The following MBD5 variants were observed in gnomAD, a reference collection of about 807,000 sequenced individuals.
MBD5 encodes the protein methyl-CpG binding domain protein 5, also known as methyl-CpG-binding domain protein 5.
MBD5 carries 13 observed loss-of-function variants against 117.3 expected under a neutral mutation model. The observed-to-expected ratio is 0.11, with a 90% CI of 0.07 to 0.18. MBD5 has a LOEUF of 0.18. Ranked by LOEUF, MBD5 falls within the 10% of genes least tolerant of loss-of-function variation. The pLI is 1.00. For missense variants in MBD5, 1,879 were observed against 2,093.8 expected (o/e 0.90, Z 2.00); for synonymous variants, 727 against 766.4 (o/e 0.95, Z 0.85).
intron 4 of MBD5, among the ~76,000 whole-genome samples, chr2:148,388,620 T>C (rs1704452502): frequency 6.6e-6 from 1 of 152,184 alleles, no homozygotes; most frequent in African/African-American, 2.4e-5. Flanking sequence ...TCTCACAGAT[T>C]TGGAGGTTGG....
At chr2:148,148,279 T>A (rs1233958274) in intron 1 of MBD5, among the ~76,000 whole-genome samples, 1 of 152,160 alleles carries the variant, frequency 6.6e-6, no homozygotes, top group East Asian at 1.9e-4. Context: ...ATGTAGAATT[T>A]AAAAACTGTT....
chr2:148,125,311 T>C (rs1696863803), intron 1 of MBD5, among the ~76,000 whole-genome samples: 2 of 152,164 alleles, frequency 1.3e-5, no homozygotes, highest in South Asian at 4.1e-4. Flanking sequence ...TTTAGCTTTT[T>C]ACTATTACCA....
intron 3 of MBD5, among the ~76,000 whole-genome samples, chr2:148,262,982 A>C (rs1159899709): frequency 6.6e-6 from 1 of 152,220 alleles, no homozygotes; most frequent in Non-Finnish European, 1.5e-5. Context: ...TGAACAATCA[A>C]CTTTCTGATA....
At chr2:148,448,282 C>A (rs1245287207) in intron 4 of MBD5, among the ~76,000 whole-genome samples, 1 of 152,062 alleles carries the variant, frequency 6.6e-6, no homozygotes, top group Non-Finnish European at 1.5e-5. Context: ...TCTTCCTCCT[C>A]TTGTTTCTTG....
chr2:148,479,612 G>A (rs943174936), intron 8 of MBD5, among the ~76,000 whole-genome samples: 12 of 152,086 alleles, frequency 7.9e-5, no homozygotes, highest in Non-Finnish European at 1.6e-4. Context: ...ATGGGTAGGA[G>A]GAGCCGGAAG....
At position 148,021,357 on chromosome 2, in the gene MBD5, C is replaced by T; in HGVS notation, c.-1252C>T. 1 of 433,442 alleles carries T rather than the reference C, an allele frequency of 2.3e-6. No individual in the cohort carries two copies. Among genetic ancestry groups the T allele is most frequent in the South Asian group, 1.8e-5 (1 of 55,644 alleles). The allele number at this position is 433,442 out of a possible 1,614,324, so 26.8% of individuals were successfully genotyped here. On this transcript the variant is annotated 5_prime_UTR_variant, in exon 1 of 14. Coordinates refer to ENST00000642680, the MANE Select transcript of MBD5 (RefSeq NM_001378120.1). ...CCATCCACGACTCCTACCCCCTCAC[C>T]CCTCCAACTCGCCTCCCTCCCTCCA... is the stretch of plus-strand genomic sequence containing the variant.
At chr2:148,074,950 C>CA (rs1389010943) in intron 1 of MBD5, among the ~76,000 whole-genome samples, 1 of 151,972 alleles carries the variant, frequency 6.6e-6, no homozygotes, top group African/African-American at 2.4e-5. Context: ...TAGAGAGGAC[C>CA]ACCAGAGAAA....
chr2:148,414,765 T>C (rs923525992), intron 4 of MBD5, among the ~76,000 whole-genome samples: 2 of 152,168 alleles, frequency 1.3e-5, no homozygotes. Context: ...CTGTTTAGTA[T>C]GATACTAGAG....
intron 3 of MBD5, among the ~76,000 whole-genome samples, chr2:148,267,796 T>G (rs1700891950): frequency 1.3e-5 from 2 of 152,164 alleles, no homozygotes; most frequent in Admixed American, 1.3e-4. Context: ...ATTTGATTTT[T>G]TCCATATGAA....
intron 3 of MBD5, among the ~76,000 whole-genome samples, chr2:148,262,995 T>C (rs1248187864): frequency 9.9e-5 from 15 of 152,192 alleles, no homozygotes; most frequent in African/African-American, 3.6e-4. Flanking sequence ...TTCTGATACA[T>C]GAACACTGAG....
At chr2:148,362,518 T>C (rs1574335266) in intron 4 of MBD5, among the ~76,000 whole-genome samples, 1 of 152,132 alleles carries the variant, frequency 6.6e-6, no homozygotes, top group East Asian at 1.9e-4. Context: ...CCCATCTCCC[T>C]GGGACAGAGC....
At chr2:148,341,730 A>G (rs1702952024) in intron 3 of MBD5, among the ~76,000 whole-genome samples, 1 of 152,036 alleles carries the variant, frequency 6.6e-6, no homozygotes, top group South Asian at 2.1e-4. Context: ...CAAAGCCTCA[A>G]TTACCACATT....
At chr2:148,397,608 C>T (rs1029842654) in intron 4 of MBD5, among the ~76,000 whole-genome samples, 3 of 152,156 alleles carry the variant, frequency 2.0e-5, no homozygotes, top group East Asian at 1.9e-4. Flanking sequence ...AGATTACAGG[C>T]GTGAGCCACC....
intron 1 of MBD5, among the ~76,000 whole-genome samples, chr2:148,051,954 C>T (rs1015764828): frequency 8.6e-5 from 13 of 151,698 alleles, no homozygotes; most frequent in Admixed American, 4.6e-4. Context: ...TGGTAGAATT[C>T]GCCAGTGAAG....
chr2:148,510,080 A>G lies in MBD5; in HGVS notation c.5057A>G (p.His1686Arg). 6.2e-7 allele frequency: 1 copy of G among 1,612,590 alleles called. No individual in the cohort carries two copies. Among genetic ancestry groups the G allele is most frequent in the Non-Finnish European group, 8.5e-7 (1 of 1,178,786 alleles). The change falls in exon 13 of 14, where the codon CAT (histidine) becomes CGT (arginine). Residue 1686 changes from histidine (H) to arginine (R), a missense_variant. Coordinates refer to ENST00000642680, the MANE Select transcript of MBD5 (RefSeq NM_001378120.1). ...TCCAGAAGTGGAAAGCTAAATAACC[A>G]TTTAGAAGCTGCTATTCATGAGGCC... Reference protein sequence around the residue: ...RNRKSGKLNNHLEAAIHEAMS... With the variant: ...RNRKSGKLNNRLEAAIHEAMS...
intron 1 of MBD5, among the ~76,000 whole-genome samples, chr2:148,152,260 T>C: frequency 6.6e-6 from 1 of 152,210 alleles, no homozygotes. Context: ...TTGAGTGAGA[T>C]TCTTAATCCT....
chr2:148,156,231 C>G (rs1697870127), intron 1 of MBD5, among the ~76,000 whole-genome samples: 1 of 152,208 alleles, frequency 6.6e-6, no homozygotes, highest in South Asian at 2.1e-4. Context: ...TCCCTGCTGA[C>G]TTTAGATTAA....
intron 2 of MBD5, among the ~76,000 whole-genome samples, chr2:148,226,728 A>G (rs1466948456): frequency 1.3e-5 from 2 of 152,190 alleles, no homozygotes; most frequent in Non-Finnish European, 2.9e-5. Context: ...CAGTCCCACC[A>G]GCAGTGTAAA....
chr2:148,040,188 TAAAAAGTAATAACTAAATAAA>T (rs1159633903), intron 1 of MBD5, among the ~76,000 whole-genome samples: 1 of 151,880 alleles, frequency 6.6e-6, no homozygotes, highest in African/African-American at 2.4e-5. Context: ...AAATAAAAGT[TAAAAAGTAATAACTAAATAAA>T]TAACAAATAA....
Sources: allele counts gnomAD v4.1 joint callset (sites outside exome capture counted in the v4.1 genomes callset), GRCh38; gene constraint gnomAD v4.1.1; transcripts MANE v1.5; gene names NCBI Gene and HGNC (gene_info 2026-07-23, HGNC 2026-07-21).